The following ARHGAP22 variants were observed in gnomAD, a reference collection of about 807,000 sequenced individuals.
ARHGAP22 encodes the protein Rho GTPase activating protein 22.
ARHGAP22 carries 48 observed loss-of-function variants against 59.1 expected under a neutral mutation model. The ratio of observed to expected loss-of-function variants is 0.81; its 90% CI spans 0.64 to 1.03. ARHGAP22 has a LOEUF of 1.03. Ranked by LOEUF, ARHGAP22 falls within the 50% of genes least tolerant of loss-of-function variation. The probability of loss-of-function intolerance (pLI) is 0.00; values close to 1 mark genes in which losing one functional copy is unlikely to be tolerated. For synonymous variants in ARHGAP22, 445 were observed against 416.4 expected (o/e 1.07, Z -0.84); for missense variants, 1,015 against 958.7 (o/e 1.06, Z -0.78).
At chr10:48,613,894 C>T (rs990436696) in intron 1 of ARHGAP22, among the ~76,000 whole-genome samples, 10 of 152,130 alleles carry the variant, frequency 6.6e-5, no homozygotes, top group South Asian at 2.1e-4. Context: ...CCCTCATGAA[C>T]GAATTAATGT....
upstream of ARHGAP22, among the ~76,000 whole-genome samples, chr10:48,653,193 T>G (rs560810892): frequency 6.6e-6 from 1 of 152,230 alleles, no homozygotes; most frequent in Non-Finnish European, 1.5e-5. Flanking sequence ...CTCTGTTCTA[T>G]TGAGCTTGCA....
intron 3 of ARHGAP22, among the ~76,000 whole-genome samples, chr10:48,510,311 T>A (rs2052624169): frequency 6.6e-6 from 1 of 152,202 alleles, no homozygotes; most frequent in Non-Finnish European, 1.5e-5. Context: ...TCTGCAGACA[T>A]CAGGGCAGGC....
At chr10:48,477,273 CAT>C (rs2048844056) in intron 4 of ARHGAP22, among the ~76,000 whole-genome samples, 1 of 152,194 alleles carries the variant, frequency 6.6e-6, no homozygotes, top group South Asian at 2.1e-4. Context: ...GATAATACAA[CAT>C]GTTATTTTGT....
chr10:48,519,050 G>A (rs1260211735), intron 3 of ARHGAP22, among the ~76,000 whole-genome samples: 3 of 152,160 alleles, frequency 2.0e-5, no homozygotes, highest in Non-Finnish European at 2.9e-5. Context: ...CCAGAGGGCC[G>A]AGCAAGCAAG....
intron 2 of ARHGAP22, among the ~76,000 whole-genome samples, chr10:48,581,809 C>T (rs183580263): frequency 7.2e-4 from 109 of 152,218 alleles, no homozygotes; most frequent in African/African-American, 2.3e-3. Flanking sequence ...CTATCACAAG[C>T]GGGAACTTTC....
At chr10:48,611,920 C>T (rs1589161988) in intron 1 of ARHGAP22, among the ~76,000 whole-genome samples, 1 of 137,544 alleles carries the variant, frequency 7.3e-6, no homozygotes, top group South Asian at 2.6e-4. Flanking sequence ...CCTCCTGGGT[C>T]CATGCAATTG....
At chr10:48,560,804 T>C in intron 2 of ARHGAP22, among the ~76,000 whole-genome samples, 1 of 152,198 alleles carries the variant, frequency 6.6e-6, no homozygotes, top group East Asian at 1.9e-4. Flanking sequence ...ATTACATTAA[T>C]AATTTTCAAA....
At chr10:48,605,098 G>T (rs1482242363), upstream of ARHGAP22, 3 of 1,287,850 alleles carry the variant, frequency 2.3e-6, no homozygotes, top group African/African-American at 3.0e-5. Context: ...CAGTCCCTCC[G>T]CCTGGCCTGG....
At chr10:48,515,661 T>C (rs949356315) in intron 3 of ARHGAP22, among the ~76,000 whole-genome samples, 1 of 152,178 alleles carries the variant, frequency 6.6e-6, no homozygotes, top group Non-Finnish European at 1.5e-5. Context: ...GGATAGACCA[T>C]TTACTAAATC....
At chr10:48,449,280 G>A (rs2045660294) in intron 9 of ARHGAP22, among the ~76,000 whole-genome samples, 1 of 152,148 alleles carries the variant, frequency 6.6e-6, no homozygotes, top group Non-Finnish European at 1.5e-5. Flanking sequence ...TCCAGCCCTG[G>A]CTCAGGCACT....
rs1386632659 is a variant in ARHGAP22, at chr10:48,570,492, T to C, written c.234+12461A>G. Among the ~76,000 whole-genome samples the C allele has an allele frequency of 3.9e-5, 6 of 152,348 alleles. No homozygotes were observed. In the East Asian group the frequency reaches 9.6e-4, roughly 24 times the overall value. ...CTTTTCAATCATCGCTGGCTTATCC[T>C]GGGGCAGAGAGGGTCTGAGGGATGC... On this transcript the variant is annotated intron_variant, in intron 2 of 9. Coordinates refer to ENST00000249601, the MANE Select transcript of ARHGAP22 (RefSeq NM_021226.4).
At chr10:48,444,200 T>G (rs958498972), downstream of ARHGAP22, 2 of 152,236 alleles carry the variant, frequency 1.3e-5, no homozygotes, top group Non-Finnish European at 2.9e-5. Flanking sequence ...ATGTAATTCA[T>G]GAGTCTACTT....
At chr10:48,576,916 G>A (rs1403573342) in intron 2 of ARHGAP22, among the ~76,000 whole-genome samples, 5 of 40,204 alleles carry the variant, frequency 1.2e-4, no homozygotes, top group South Asian at 9.1e-4. Flanking sequence ...TCCCCACACC[G>A]CCACCCACCG....
At chr10:48,598,646 CT>C (rs1564970880) in intron 1 of ARHGAP22, among the ~76,000 whole-genome samples, 1 of 152,244 alleles carries the variant, frequency 6.6e-6, no homozygotes, top group African/African-American at 2.4e-5. Flanking sequence ...GCTGCCCCCA[CT>C]GCAGCCTGCA....
intron 3 of ARHGAP22, among the ~76,000 whole-genome samples, chr10:48,519,604 G>T (rs2053617200): frequency 6.6e-6 from 1 of 152,260 alleles, no homozygotes; most frequent in Admixed American, 6.5e-5. Context: ...AGGCCACATA[G>T]GTGACAAAGT....
intron 3 of ARHGAP22, among the ~76,000 whole-genome samples, chr10:48,519,900 A>G (rs1345705717): frequency 6.6e-6 from 1 of 152,158 alleles, no homozygotes; most frequent in African/African-American, 2.4e-5. Context: ...GGAGGATCAT[A>G]GTGTCTCCAG....
chr10:48,468,623 A>G (rs912909611), intron 4 of ARHGAP22, among the ~76,000 whole-genome samples: 1 of 152,210 alleles, frequency 6.6e-6, no homozygotes, highest in African/African-American at 2.4e-5. Context: ...TAAGCTGCCA[A>G]ATTTCTGGCA....
intron 2 of ARHGAP22, among the ~76,000 whole-genome samples, chr10:48,579,730 C>A (rs1429239257): frequency 6.6e-6 from 1 of 152,164 alleles, no homozygotes; most frequent in Non-Finnish European, 1.5e-5. Context: ...ATCCTTCTTC[C>A]GGACAGTTAC....
intron 2 of ARHGAP22, among the ~76,000 whole-genome samples, chr10:48,567,167 C>T (rs2058096084): frequency 6.6e-6 from 1 of 152,254 alleles, no homozygotes; most frequent in Non-Finnish European, 1.5e-5. Flanking sequence ...CCCTGAGTCA[C>T]TCCTGGGGTC....
Sources: allele counts gnomAD v4.1 joint callset (sites outside exome capture counted in the v4.1 genomes callset), GRCh38; gene constraint gnomAD v4.1.1; transcripts MANE v1.5; gene names NCBI Gene and HGNC (gene_info 2026-07-23, HGNC 2026-07-21).